The following DHX57 variants were observed in gnomAD, a reference collection of about 807,000 sequenced individuals.
DHX57 encodes DExH-box helicase 57.
Under a neutral mutation model 156.2 loss-of-function variants are expected in DHX57, and 105 were observed. The ratio of observed to expected loss-of-function variants is 0.67; its 90% CI spans 0.57 to 0.79. The LOEUF (loss-of-function observed/expected upper bound fraction) is 0.79. Among genes scored for constraint, DHX57 ranks in the 30% least tolerant of loss-of-function variants. The pLI is 0.00. For missense variants in DHX57, 1,847 were observed against 1,661.9 expected (o/e 1.11, Z -1.94); for synonymous variants, 704 against 595.6 (o/e 1.18, Z -2.65).
At chr2:38,807,632 C>A (rs1384323263) in intron 21 of DHX57, among the ~76,000 whole-genome samples, 2 of 152,068 alleles carry the variant, frequency 1.3e-5, no homozygotes, top group South Asian at 2.1e-4. Context: ...GCTGGGATTA[C>A]AGGTGTGAGC....
chr2:38,826,778 A>G (rs1671109213), intron 14 of DHX57, 89 bp from the exon 15 acceptor site: 3 of 1,402,900 alleles, frequency 2.1e-6, no homozygotes, highest in Non-Finnish European at 2.9e-6. Flanking sequence ...AACCAACAAT[A>G]TGACTTCAGG....
At chr2:38,838,316 G>C (rs3099995) in intron 12 of DHX57, among the ~76,000 whole-genome samples, 46,388 of 152,024 alleles carry the variant, frequency 0.31, 7,563 homozygotes, top group Non-Finnish European at 0.36. Context: ...GCCCAGGCTG[G>C]TCTCGAACTC....
rs769804666 is a variant in DHX57, at chr2:38,861,065, T to C, written c.1345A>G (p.Asn449Asp). Residue 449 changes from asparagine to aspartate, a missense_variant, in exon 5 of 24, where the codon AAT becomes GAT. Transcript: ENST00000457308. ...FLPVPSRTRINNPACHKTVIP... is the reference protein window; with the variant it reads ...FLPVPSRTRIDNPACHKTVIP... ...ACTGTTTTATGACAGGCAGGATTAT[T>C]TATTCTGGTCCTAGAGGGTACTGGC... The C allele has an allele frequency of 1.9e-6, 3 of 1,614,202 alleles. No individual in the cohort carries two copies. The highest frequency in any genetic ancestry group is 2.5e-6 in the Non-Finnish European group (3 of 1,180,014).
intron 21 of DHX57, among the ~76,000 whole-genome samples, chr2:38,813,517 C>T (rs1296939235): frequency 6.7e-6 from 1 of 149,704 alleles, no homozygotes; most frequent in Non-Finnish European, 1.5e-5. Flanking sequence ...ACTACAGGTG[C>T]CCGCCACCAT....
At chr2:38,829,283 AT>A (rs36057730) in intron 13 of DHX57, among the ~76,000 whole-genome samples, 17,897 of 134,778 alleles carry the variant, frequency 0.13, 1,160 homozygotes, top group African/African-American at 0.18. Flanking sequence ...TACACTGGCT[AT>A]TTTTTTTTTT....
intron 9 of DHX57, among the ~76,000 whole-genome samples, chr2:38,850,662 T>C (rs987523520): frequency 8.2e-5 from 12 of 145,698 alleles, no homozygotes; most frequent in Admixed American, 2.9e-4. Flanking sequence ...GCTAATTTAA[T>C]TACATTTATG....
chr2:38,839,830 G>C (rs1032317599), intron 12 of DHX57, among the ~76,000 whole-genome samples: 15 of 152,120 alleles, frequency 9.9e-5, no homozygotes, highest in Non-Finnish European at 1.8e-4. Context: ...GGGTGTGGTT[G>C]GGTGAGAAAG....
chr2:38,808,946 G>T (rs1230537163), intron 21 of DHX57, among the ~76,000 whole-genome samples: 2 of 151,904 alleles, frequency 1.3e-5, no homozygotes, highest in Non-Finnish European at 2.9e-5. Flanking sequence ...CAGGGATAGG[G>T]TCTCTCTGTG....
chr2:38,805,970 G>C (rs1295538807), intron 22 of DHX57, among the ~76,000 whole-genome samples: 2 of 152,076 alleles, frequency 1.3e-5, no homozygotes, highest in African/African-American at 4.8e-5. Context: ...CAGAGCAAAG[G>C]AAGATAAGCT....
At position 38,837,937 on chromosome 2, in the gene DHX57, C is replaced by G; in HGVS notation, c.2436G>C (p.Lys812Asn). ...QLLARYKGVS[K>N]SVIKTMSIMD... ...TGATGGACATTGTTTTGATGACTGA[C>G]TTGCTAACCCCTGAAAGAAAGAAAG... The change falls in exon 13 of 24, where the codon AAG (lysine) becomes AAC (asparagine). Residue 812 changes from lysine (K) to asparagine (N), a missense_variant. By Grantham distance (94) the Lys-to-Asn change is moderately conservative (BLOSUM62 0). Transcript: ENST00000457308. 1 of 1,607,458 alleles carries G rather than the reference C, an allele frequency of 6.2e-7. No individual in the cohort carries two copies. The highest frequency in any genetic ancestry group is 8.5e-7 in the Non-Finnish European group (1 of 1,174,094).
intron 1 of DHX57, among the ~76,000 whole-genome samples, chr2:38,875,300 T>C (rs1401167214): frequency 6.6e-6 from 1 of 152,172 alleles, no homozygotes; most frequent in African/African-American, 2.4e-5. Context: ...CTTTGTTTGA[T>C]AGCCAAGGCA....
At chr2:38,830,532 G>A (rs1258892742) in intron 13 of DHX57, among the ~76,000 whole-genome samples, 1 of 152,088 alleles carries the variant, frequency 6.6e-6, no homozygotes, top group Non-Finnish European at 1.5e-5. Flanking sequence ...GGAGGCTGGA[G>A]GCACGAGAAT....
At chr2:38,819,759 T>C (rs558673117) in intron 17 of DHX57, among the ~76,000 whole-genome samples, 52 of 152,332 alleles carry the variant, frequency 3.4e-4, no homozygotes, top group Middle Eastern at 3.4e-3. Flanking sequence ...TCTGGGTTCT[T>C]TATTTTACAG....
chr2:38,815,424 G>A (rs1670487485), intron 20 of DHX57, 97 bp downstream of exon 20: 2 of 1,506,450 alleles, frequency 1.3e-6, no homozygotes, highest in Admixed American at 1.8e-5. Context: ...ACTGCTCAAA[G>A]GCTTAAGTGA....
chr2:38,859,372 G>C (rs904329016), intron 5 of DHX57, among the ~76,000 whole-genome samples: 6 of 152,158 alleles, frequency 3.9e-5, no homozygotes, highest in Non-Finnish European at 5.9e-5. Context: ...GAGGGGCTGG[G>C]GGAAGGGGAA....
chr2:38,866,848 C>T (rs1185990541), intron 2 of DHX57, among the ~76,000 whole-genome samples: 1 of 152,134 alleles, frequency 6.6e-6, no homozygotes, highest in Non-Finnish European at 1.5e-5. Flanking sequence ...ATCGCTTGAG[C>T]CCAGGAGTTC....
chr2:38,850,945 C>T (rs994510312), intron 9 of DHX57, among the ~76,000 whole-genome samples: 11 of 151,996 alleles, frequency 7.2e-5, no homozygotes, highest in Admixed American at 6.6e-5. Context: ...GGCCTGGTGG[C>T]GTGCACCTGT....
chr2:38,823,040 C>A lies in DHX57; in HGVS notation c.3244G>T (p.Asp1082Tyr). 6.8e-6 allele frequency: 11 copies of A among 1,614,116 alleles called. No homozygotes were observed. Among genetic ancestry groups the A allele is most frequent in the Non-Finnish European group, 8.5e-6 (10 of 1,180,022 alleles). Reference protein sequence around the residue: ...MLFGSIFRCLDPALTIAASLA... With the variant: ...MLFGSIFRCLYPALTIAASLA... ...CTGGCAGCAATGGTGAGAGCAGGAT[C>A]CAAACAGCGGAAGATAGACCCAAAC... The change falls in exon 17 of 24, where the codon GAT becomes TAT. Residue 1082 changes from aspartate (D) to tyrosine (Y), a missense_variant. Asp to Tyr is a radical substitution (Grantham distance 160, BLOSUM62 -3). Transcript: ENST00000457308.
chr2:38,818,833 TA>T, intron 19 of DHX57, 43 bp downstream of exon 19: 1 of 1,600,610 alleles, frequency 6.2e-7, no homozygotes, highest in South Asian at 1.1e-5. Flanking sequence ...TCTGGTGAGC[TA>T]CTCTAATAAA....
Sources: gnomAD v4.1 joint callset for allele counts (sites outside exome capture counted in the v4.1 genomes callset) on GRCh38, gnomAD v4.1.1 for gene constraint, MANE v1.5 for transcripts, NCBI Gene and HGNC (gene_info 2026-07-23, HGNC 2026-07-21) for gene names.